MAST2: variants seen among roughly 807,000 people sequenced by gnomAD.
MAST2 encodes microtubule associated serine/threonine kinase 2, also known as microtubule-associated serine/threonine-protein kinase 2.
Under a neutral mutation model 147.4 loss-of-function variants are expected in MAST2, and 70 were observed. That is an observed-to-expected ratio of 0.47 (90% confidence interval 0.39 to 0.58). MAST2 has a LOEUF of 0.58. Ranked by LOEUF, MAST2 falls within the 20% of genes least tolerant of loss-of-function variation. The pLI is 0.00. For synonymous variants in MAST2, 869 were observed against 896.8 expected (o/e 0.97, Z 0.55); for missense variants, 2,080 against 2,302.3 (o/e 0.90, Z 1.98).
At chr1:45,816,559 G>T (rs1292962823) in intron 1 of MAST2, among the ~76,000 whole-genome samples, 1 of 152,088 alleles carries the variant, frequency 6.6e-6, no homozygotes, top group Non-Finnish European at 1.5e-5. Context: ...CTTCAGCAAA[G>T]AAATGGAAAT....
chr1:45,973,913 G>A (rs1395352371), intron 5 of MAST2, among the ~76,000 whole-genome samples: 1 of 152,122 alleles, frequency 6.6e-6, no homozygotes, highest in East Asian at 1.9e-4. Context: ...AAACCTAATT[G>A]GTGAGTCAAG....
intron 4 of MAST2, chr1:45,917,471 C>T (rs1652738485): frequency 7.3e-7 from 1 of 1,366,468 alleles, no homozygotes; most frequent in African/African-American, 1.5e-5. Context: ...TTGCCATTTT[C>T]CTGAACCCAC....
At chr1:45,880,289 G>T (rs1263528111) in intron 3 of MAST2, among the ~76,000 whole-genome samples, 1 of 152,174 alleles carries the variant, frequency 6.6e-6, no homozygotes, top group African/African-American at 2.4e-5. Flanking sequence ...AGTTGAAGAA[G>T]CCTATGTAAA....
chr1:45,846,249 A>G (rs1007383883), intron 3 of MAST2, among the ~76,000 whole-genome samples: 4 of 152,214 alleles, frequency 2.6e-5, no homozygotes, highest in African/African-American at 9.6e-5. Flanking sequence ...TAATGTTTAA[A>G]GAAGGATTAA....
At chr1:46,004,235 G>A (rs1645392256) in intron 7 of MAST2, among the ~76,000 whole-genome samples, 1 of 151,622 alleles carries the variant, frequency 6.6e-6, no homozygotes, top group Non-Finnish European at 1.5e-5. Flanking sequence ...GTGGTGGTGG[G>A]CGCCTGTAGT....
chr1:45,886,685 C>G (rs1647105651), intron 4 of MAST2, among the ~76,000 whole-genome samples: 2 of 152,134 alleles, frequency 1.3e-5, no homozygotes, highest in African/African-American at 4.8e-5. Context: ...TTACTTGTAT[C>G]TGTTTACCCA....
chr1:45,917,530 GGA>G, intron 4 of MAST2: 3 of 1,366,414 alleles, frequency 2.2e-6, no homozygotes, highest in Middle Eastern at 2.1e-4. Context: ...CCACTGCCGT[GGA>G]GGTAAGGAAA....
At chr1:45,820,485 T>C (rs1290056653) in intron 1 of MAST2, among the ~76,000 whole-genome samples, 1 of 152,204 alleles carries the variant, frequency 6.6e-6, no homozygotes, top group Admixed American at 6.5e-5. Context: ...TTCTGTAGTA[T>C]ACAAAAACTT....
At chr1:45,875,582 G>A (rs1014935857) in intron 3 of MAST2, among the ~76,000 whole-genome samples, 2 of 152,164 alleles carry the variant, frequency 1.3e-5, no homozygotes, top group Non-Finnish European at 2.9e-5. Context: ...ATGAAAGGGA[G>A]ACCAATTAGG....
chr1:45,892,029 G>A (rs1460039428), intron 4 of MAST2, among the ~76,000 whole-genome samples: 1 of 152,138 alleles, frequency 6.6e-6, no homozygotes, highest in Non-Finnish European at 1.5e-5. Flanking sequence ...AGTTTTCCCA[G>A]GAAGGTTTTG....
chr1:46,032,758 C>T (rs1186293343), intron 26 of MAST2, 40 bp downstream of exon 26: 1 of 1,593,294 alleles, frequency 6.3e-7, no homozygotes, highest in Non-Finnish European at 8.6e-7. Context: ...CCCTGAATGA[C>T]CTCAGCCTGT....
At chr1:45,889,955 T>C (rs2148387445) in intron 4 of MAST2, among the ~76,000 whole-genome samples, 1 of 152,214 alleles carries the variant, frequency 6.6e-6, no homozygotes, top group African/African-American at 2.4e-5. Context: ...ATGTTGGCCA[T>C]GATGGTCTCA....
intron 5 of MAST2, among the ~76,000 whole-genome samples, chr1:45,965,941 G>A (rs971531144): frequency 1.3e-5 from 2 of 152,088 alleles, no homozygotes; most frequent in Non-Finnish European, 2.9e-5. Context: ...TACATTTTGT[G>A]TGTCTGGGCA....
At chr1:45,824,712 C>T in intron 2 of MAST2, 132 bp downstream of exon 2, 1 of 863,246 alleles carries the variant, frequency 1.2e-6, no homozygotes, top group Middle Eastern at 2.6e-4. Context: ...TATGGTAAGG[C>T]TGTCTTCCTC....
chr1:45,908,754 G>GC (rs1403065047), intron 4 of MAST2, among the ~76,000 whole-genome samples: 1 of 152,034 alleles, frequency 6.6e-6, no homozygotes, highest in Non-Finnish European at 1.5e-5. Flanking sequence ...CTGAACTCTA[G>GC]CCCATGCCTC....
At chr1:45,977,655 C>T (rs1023917543) in intron 5 of MAST2, among the ~76,000 whole-genome samples, 1 of 151,776 alleles carries the variant, frequency 6.6e-6, no homozygotes, top group Non-Finnish European at 1.5e-5. Flanking sequence ...AAAAAATTAG[C>T]CAAGCATGGT....
In MAST2 at chr1:46,019,631, T is replaced by G. The variant is rs954834907; in HGVS notation, c.1224T>G (p.Phe408Leu). Reference protein sequence around the residue: ...HERSESSEVAFVMQLVKKLMI... With the variant: ...HERSESSEVALVMQLVKKLMI... ...GCTCAGAGAGCTCAGAAGTGGCTTT[T>G]GTGATGCAGCTGGTGAAAAAGCTGA... The change falls in exon 11 of 29, where the codon TTT becomes TTG. Residue 408 changes from phenylalanine to leucine, a missense_variant. Phe to Leu is a conservative substitution (Grantham distance 22, BLOSUM62 0). Around this residue, in one of 4 missense-constraint regions of MAST2, gnomAD observed 569 missense variants for 642.5 expected, o/e 0.89. Transcript: ENST00000361297. The G allele has an allele frequency of 5.0e-6, 8 of 1,614,066 alleles. No individual in the cohort carries two copies. In the African/African-American group the frequency reaches 9.3e-5, roughly 19 times the overall value.
At chr1:46,021,091 TGA>T (rs1646162311) in intron 11 of MAST2, among the ~76,000 whole-genome samples, 1 of 152,132 alleles carries the variant, frequency 6.6e-6, no homozygotes, top group Admixed American at 6.5e-5. Context: ...GGGGTATTTA[TGA>T]GAGAGACATT....
At chr1:45,858,363 GTGA>G (rs1645861964) in intron 3 of MAST2, among the ~76,000 whole-genome samples, 1 of 152,240 alleles carries the variant, frequency 6.6e-6, no homozygotes, top group South Asian at 2.1e-4. Context: ...CTGATGGCCA[GTGA>G]TGATGAGCAT....
Sources: allele counts gnomAD v4.1 joint callset (sites outside exome capture counted in the v4.1 genomes callset), GRCh38; gene constraint gnomAD v4.1.1; regional missense constraint gnomAD v4.1.1; transcripts MANE v1.5; gene names NCBI Gene and HGNC (gene_info 2026-07-23, HGNC 2026-07-21).